STPG4: variants seen among roughly 807,000 people sequenced by gnomAD.
The protein encoded by STPG4 is sperm-tail PG-rich repeat containing 4.
Under a neutral mutation model 31.5 loss-of-function variants are expected in STPG4, and 41 were observed. That is an observed-to-expected ratio of 1.30 (90% CI 1.01 to 1.69). The LOEUF (loss-of-function observed/expected upper bound fraction) is 1.69. STPG4 is among the 40% of genes most tolerant of loss of function. STPG4 has a pLI of 0.00. For missense variants in STPG4, 375 were observed against 293.4 expected, an observed-to-expected ratio of 1.28 and a Z score of -2.03; for synonymous variants, 141 against 103.0, an observed-to-expected ratio of 1.37 and a Z score of -2.24.
intron 5 of STPG4, among the ~76,000 whole-genome samples, chr2:47,093,634 C>G (rs1685614633): frequency 6.6e-6 from 1 of 152,216 alleles, no homozygotes; most frequent in Non-Finnish European, 1.5e-5. Context: ...TCTCAAGCTG[C>G]CTGGGAGTCC....
At chr2:47,129,575 C>T (rs189773177) in intron 5 of STPG4, 112 of 209,810 alleles carry the variant, frequency 5.3e-4, no homozygotes, top group African/African-American at 2.6e-3. Flanking sequence ...ACGGTGTTCC[C>T]GTGCAAAGTC....
intron 5 of STPG4, among the ~76,000 whole-genome samples, chr2:47,112,989 C>CAAAAAAAAAAAAAAAA (rs70940656): frequency 1.1e-5 from 1 of 93,672 alleles, no homozygotes; most frequent in Admixed American, 1.2e-4. Context: ...AAGACTATCT[C>CAAAAAAAAAAAAAAAA]AAAAAAAAAA....
chr2:47,122,264 A>G (rs2103769758), intron 5 of STPG4, among the ~76,000 whole-genome samples: 1 of 152,262 alleles, frequency 6.6e-6, no homozygotes, highest in Admixed American at 6.5e-5. Flanking sequence ...AATGTTGAAA[A>G]TACTTTTCCT....
chr2:47,110,076 A>T (rs999824751), intron 5 of STPG4, among the ~76,000 whole-genome samples: 2 of 152,206 alleles, frequency 1.3e-5, no homozygotes, highest in Non-Finnish European at 2.9e-5. Context: ...ACTATCAGGA[A>T]AGATGTGTGT....
At chr2:47,101,138 T>G (rs1685791294) in intron 5 of STPG4, among the ~76,000 whole-genome samples, 1 of 151,780 alleles carries the variant, frequency 6.6e-6, no homozygotes, top group South Asian at 2.1e-4. Context: ...TTCCTTAGAA[T>G]TCAGGGGCTA....
rs1052992216 is a variant in STPG4, at chr2:47,096,543, C to T, written c.520-6169G>A. ...CAAAGAACAGATGATTAGTGGTCGC[C>T]GAGATATCTTCATCTGTGTGCAAGT... On this transcript the variant is annotated intron_variant, in intron 5 of 6. Transcript: ENST00000445927. Among the ~76,000 whole-genome samples, 18 of 152,156 alleles carry T rather than the reference C, an allele frequency of 1.2e-4. 1 individual carries two copies. The highest frequency in any genetic ancestry group is 1.0e-3 in the Admixed American group (16 of 15,286).
intron 3 of STPG4, among the ~76,000 whole-genome samples, chr2:47,136,965 A>C (rs1322148099): frequency 6.6e-6 from 1 of 152,188 alleles, no homozygotes; most frequent in Non-Finnish European, 1.5e-5. Flanking sequence ...CTTCCCAATC[A>C]GTATACCTTT....
At position 47,087,051 on chromosome 2, in the gene STPG4, T is replaced by C. The variant is rs1449038087; in HGVS notation, c.704A>G (p.Glu235Gly). The change falls in exon 7 of 7, where the codon GAG becomes GGG. Residue 235 changes from glutamate to glycine, a missense_variant. Transcript: ENST00000445927. ...QSPTIAKMGQ[E>G]HSLFFNNNNW... is the part of the protein sequence containing the mutation. ...GTTGTTGTTGAAGAAAAGGCTATGC[T>C]CTTGGCCCATTTTGGCTATGGTCGG... 25 of 1,551,662 alleles carry C rather than the reference T, an allele frequency of 1.6e-5. No individual in the cohort carries two copies. The highest frequency in any genetic ancestry group is 2.1e-5 in the Non-Finnish European group (24 of 1,147,012).
At chr2:47,116,024 G>A (rs989520835) in intron 5 of STPG4, among the ~76,000 whole-genome samples, 1 of 152,196 alleles carries the variant, frequency 6.6e-6, no homozygotes, top group African/African-American at 2.4e-5. Flanking sequence ...TCAGACAAGT[G>A]AATGGCAAAC....
intron 5 of STPG4, among the ~76,000 whole-genome samples, chr2:47,120,523 C>T (rs1012936264): frequency 2.0e-5 from 3 of 151,558 alleles, no homozygotes; most frequent in Non-Finnish European, 4.4e-5. Context: ...GCTGAGATCA[C>T]GCCACTGCAC....
chr2:47,121,739 G>A (rs973341100), intron 5 of STPG4, among the ~76,000 whole-genome samples: 1 of 152,180 alleles, frequency 6.6e-6, no homozygotes, highest in Non-Finnish European at 1.5e-5. Context: ...GAGGATCTAA[G>A]GGAGAAGCTG....
chr2:47,106,692 G>A (rs541259044), intron 5 of STPG4, among the ~76,000 whole-genome samples: 37 of 152,004 alleles, frequency 2.4e-4, no homozygotes, highest in African/African-American at 8.5e-4. Flanking sequence ...GGCGTTTACA[G>A]GAAAACGCTT....
intron 1 of STPG4, among the ~76,000 whole-genome samples, chr2:47,154,279 T>C (rs1686987537): frequency 6.6e-6 from 1 of 152,252 alleles, no homozygotes; most frequent in Non-Finnish European, 1.5e-5. Context: ...TCTTCTTTGA[T>C]ACTTCTTCGC....
chr2:47,153,134 A>G, intron 1 of STPG4, 118 bp from the exon 2 acceptor site: 1 of 607,280 alleles, frequency 1.6e-6, no homozygotes, highest in East Asian at 2.8e-5. Flanking sequence ...ATATGTCTTC[A>G]TTAAAATAAA....
intron 5 of STPG4, among the ~76,000 whole-genome samples, chr2:47,093,170 A>G (rs143582477): frequency 1.2e-4 from 19 of 152,288 alleles, no homozygotes; most frequent in South Asian, 1.0e-3. Flanking sequence ...GCCATTCTCA[A>G]TTACTCCACC....
At chr2:47,153,150 C>T in intron 1 of STPG4, 134 bp from the exon 2 acceptor site, 1 of 567,282 alleles carries the variant, frequency 1.8e-6, no homozygotes, top group Non-Finnish European at 3.0e-6. Flanking sequence ...ATAAAAGCTA[C>T]ATAATAATAA....
At chr2:47,117,881 T>C (rs1299391716) in intron 5 of STPG4, among the ~76,000 whole-genome samples, 1 of 151,940 alleles carries the variant, frequency 6.6e-6, no homozygotes, top group East Asian at 1.9e-4. Context: ...GCCTCAGTTA[T>C]CAGGGGGAAG....
At chr2:47,128,607 A>G (rs1346299012) in intron 5 of STPG4, among the ~76,000 whole-genome samples, 3 of 152,064 alleles carry the variant, frequency 2.0e-5, no homozygotes, top group Admixed American at 2.0e-4. Flanking sequence ...CTGCCTGGAT[A>G]CCACTAATGT....
At chr2:47,096,363 T>C (rs909070947) in intron 5 of STPG4, among the ~76,000 whole-genome samples, 1 of 152,230 alleles carries the variant, frequency 6.6e-6, no homozygotes, top group East Asian at 1.9e-4. Context: ...GGAAGCTGTG[T>C]TGGGAAAGCT....
Sources: allele counts gnomAD v4.1 joint callset (sites outside exome capture counted in the v4.1 genomes callset), GRCh38; gene constraint gnomAD v4.1.1; transcripts MANE v1.5; gene names NCBI Gene and HGNC (gene_info 2026-07-23, HGNC 2026-07-21).